The following TOP3A variants were observed in gnomAD, a reference collection of about 807,000 sequenced individuals.
The protein encoded by TOP3A is DNA topoisomerase III alpha.
Under a neutral mutation model 111.3 loss-of-function variants are expected in TOP3A, and 64 were observed. The ratio of observed to expected loss-of-function variants is 0.57; its 90% CI spans 0.47 to 0.71. TOP3A has a LOEUF of 0.71. Ranked by LOEUF, TOP3A falls within the 30% of genes least tolerant of loss-of-function variation. The pLI, the probability that TOP3A is intolerant of heterozygous loss-of-function variation, is 0.00. For synonymous variants in TOP3A, 484 were observed against 485.1 expected (o/e 1.00, Z 0.03); for missense variants, 1,104 against 1,285.0 (o/e 0.86, Z 2.15).
At position 18,271,494 on chromosome 17, in the gene TOP3A, T is replaced by A. The variant is rs1250555981; in HGVS notation, c.*3308A>T. The A allele has an allele frequency of 1.8e-5, 3 of 168,240 alleles. No homozygotes were observed. The highest frequency in any genetic ancestry group is 7.2e-5 in the African/African-American group (3 of 41,468). The allele number at this position is 168,240 out of a possible 1,614,324, so 10.4% of individuals were successfully genotyped here. On this transcript the variant is annotated 3_prime_UTR_variant, in exon 19 of 19. Coordinates refer to ENST00000321105, the MANE Select transcript of TOP3A (RefSeq NM_004618.5). Reference sequence around the variant, plus strand: ...AAGCCTTCACTAGAGAGCCTCAATATGAACAAGGACACCCCATTACGGATG... The same window carrying A: ...AAGCCTTCACTAGAGAGCCTCAATAAGAACAAGGACACCCCATTACGGATG...
rs1327410703 is a variant in TOP3A at position 18,290,564 on chromosome 17, A to G, written c.1590T>C (p.His530=). Residue 530 remains histidine, a synonymous_variant, in exon 13 of 19, where the codon CAT becomes CAC. Coordinates refer to ENST00000321105, the MANE Select transcript of TOP3A (RefSeq NM_004618.5). ...EADLIALMEK[H]GIGTDATHAE... is the part of the protein sequence containing the mutation. ...CCCAGAGGAGCCACTGACCAATGCC[A>G]TGCTTCTCCATGAGGGCAATGAGGT... The G allele has an allele frequency of 5.7e-6, 9 of 1,589,236 alleles. 1 individual carries two copies. In the South Asian group the frequency reaches 9.1e-5, roughly 16 times the overall value.
At chr17:18,294,086 G>T (rs1980646210) in intron 10 of TOP3A, among the ~76,000 whole-genome samples, 1 of 152,194 alleles carries the variant, frequency 6.6e-6, no homozygotes, top group Non-Finnish European at 1.5e-5. Flanking sequence ...ATATGACTGG[G>T]GCGGGGAGGA....
rs6502645 is a variant in TOP3A at position 18,291,048 on chromosome 17, C to T, written c.1282-21G>A. On this transcript the variant is annotated intron_variant, in intron 11 of 18. Coordinates refer to ENST00000321105, the MANE Select transcript of TOP3A (RefSeq NM_004618.5). ...TCTCCCTAGGAAGAAAAGAGGAGTA[C>T]GAAACTCCCCCTAGAATATCACCTC... 0.98 allele frequency: 1,584,097 copies of T among 1,612,374 alleles called. 778,248 individuals carry two copies. Among genetic ancestry groups the T allele is most frequent in the East Asian group, 1 (44,853 of 44,854 alleles).
chr17:18,305,071 G>T, intron 5 of TOP3A, 41 bp downstream of exon 5: 1 of 1,527,116 alleles, frequency 6.5e-7, no homozygotes, highest in Non-Finnish European at 9.1e-7. Flanking sequence ...TATTTATGGA[G>T]TTCCAAAGTA....
At chr17:18,303,838 CT>C (rs1981390014) in intron 5 of TOP3A, among the ~76,000 whole-genome samples, 1 of 152,190 alleles carries the variant, frequency 6.6e-6, no homozygotes, top group Non-Finnish European at 1.5e-5. Flanking sequence ...CCTGGGCCCA[CT>C]TTTCTTCCCC....
intron 15 of TOP3A, among the ~76,000 whole-genome samples, chr17:18,283,276 G>A (rs952647946): frequency 6.6e-6 from 1 of 152,040 alleles, no homozygotes; most frequent in African/African-American, 2.4e-5. Flanking sequence ...GGCTGAGGCA[G>A]GAGAATCGCT....
In TOP3A at chr17:18,311,585, C is replaced by T. The variant is rs139634599; in HGVS notation, c.181-2644G>A. 1.8e-4 allele frequency among the ~76,000 whole-genome samples: 27 copies of T among 152,342 alleles called. No homozygotes were observed. In the East Asian group the frequency reaches 1.9e-3, roughly 11 times the overall value. Reference sequence around the variant, plus strand: ...CTGGGATTACAGGCATGAGCCGCTGCGCTCAGCCCAAGTATTAATATTTAT... The same window carrying T: ...CTGGGATTACAGGCATGAGCCGCTGTGCTCAGCCCAAGTATTAATATTTAT... On this transcript the variant is annotated intron_variant, in intron 1 of 18. Transcript: ENST00000321105.
chr17:18,287,998 TCAAA>T (rs1015826889), intron 13 of TOP3A, among the ~76,000 whole-genome samples: 2 of 151,296 alleles, frequency 1.3e-5, no homozygotes, highest in African/African-American at 4.9e-5. Context: ...AAACTCCATC[TCAAA>T]CAAACAACAA....
rs550633885 is a variant in TOP3A at position 18,308,418 on chromosome 17, T to C, written c.247A>G (p.Thr83Ala). ...FDYHLYGQNV[T>A]MVMTSVSGHL... Reference sequence around the variant, plus strand: ...CCAGAAACTGAAGTCATTACCATGGTAACATTCTGAATGATGACAAAATTC... The same window carrying C: ...CCAGAAACTGAAGTCATTACCATGGCAACATTCTGAATGATGACAAAATTC... The change falls in exon 3 of 19, where the codon ACC (threonine) becomes GCC (alanine). Residue 83 changes from threonine to alanine, a missense_variant. By Grantham distance (58) the Thr-to-Ala change is moderately conservative. Coordinates refer to ENST00000321105, the MANE Select transcript of TOP3A (RefSeq NM_004618.5). 6.3e-6 allele frequency: 10 copies of C among 1,596,160 alleles called. No homozygotes were observed. The East Asian group carries it at 2.2e-4, about 36-fold the overall frequency.
At chr17:18,299,364 G>A (rs4632181) in intron 9 of TOP3A, among the ~76,000 whole-genome samples, 195 bp downstream of exon 9, 39,849 of 152,106 alleles carry the variant, frequency 0.26, 5,598 homozygotes, top group Non-Finnish European at 0.31. Flanking sequence ...CCAGAAGTTT[G>A]AGTCTACAAA....
At chr17:18,280,733 C>A (rs1047312282) in intron 16 of TOP3A, 75 bp from the exon 17 acceptor site, 43 of 1,555,658 alleles carry the variant, frequency 2.8e-5, no homozygotes, top group Non-Finnish European at 2.6e-5. Context: ...GCTAAGGCAG[C>A]CTTTCCTCAG....
intron 15 of TOP3A, 150 bp from the exon 16 acceptor site, chr17:18,282,991 A>C (rs1034795570): frequency 4.9e-6 from 5 of 1,016,456 alleles, no homozygotes; most frequent in Non-Finnish European, 7.2e-6. Context: ...GGCAGACAGA[A>C]GACTGAGCTC....
At chr17:18,302,156 C>A in intron 7 of TOP3A, 108 bp downstream of exon 7, 1 of 1,439,850 alleles carries the variant, frequency 6.9e-7, no homozygotes, top group Non-Finnish European at 9.4e-7. Flanking sequence ...AGGATGACAG[C>A]AAGACTAAAA....
intron 8 of TOP3A, 97 bp downstream of exon 8, chr17:18,301,788 A>C: frequency 2.9e-6 from 3 of 1,035,984 alleles, no homozygotes; most frequent in Non-Finnish European, 4.3e-6. Context: ...ACTTAAAGCT[A>C]AAGTCCAATG....
At chr17:18,312,120 G>C (rs1981948726) in intron 1 of TOP3A, 1 of 152,312 alleles carries the variant, frequency 6.6e-6, no homozygotes, top group Non-Finnish European at 1.5e-5. Flanking sequence ...TGGCTGATGT[G>C]CCACCTGGGA....
chr17:18,292,526 A>C, intron 11 of TOP3A, 119 bp downstream of exon 11: 1 of 942,836 alleles, frequency 1.1e-6, no homozygotes, highest in Non-Finnish European at 1.5e-6. Flanking sequence ...GTGAAATGAG[A>C]GAGATCTCAA....
At chr17:18,292,496 T>G (rs1980539215) in intron 11 of TOP3A, 149 bp downstream of exon 11, 1 of 786,950 alleles carries the variant, frequency 1.3e-6, no homozygotes, top group Non-Finnish European at 1.9e-6. Context: ...GCGGTCTTTA[T>G]CAAAGCCAGG....
intron 13 of TOP3A, among the ~76,000 whole-genome samples, chr17:18,288,104 A>G (rs1980222908): frequency 6.8e-6 from 1 of 147,316 alleles, no homozygotes; most frequent in Non-Finnish European, 1.5e-5. Context: ...GATAAACTGT[A>G]TGGTATATAA....
chr17:18,300,074 A>G (rs1183768186), intron 8 of TOP3A, among the ~76,000 whole-genome samples: 1 of 150,354 alleles, frequency 6.7e-6, no homozygotes. Context: ...GTGCTCCTTT[A>G]AAAAAAAAAT....
Sources: allele counts gnomAD v4.1 joint callset (sites outside exome capture counted in the v4.1 genomes callset), GRCh38; gene constraint gnomAD v4.1.1; transcripts MANE v1.5; gene names NCBI Gene and HGNC (gene_info 2026-07-23, HGNC 2026-07-21).